SLC41A1: variants seen among roughly 807,000 people sequenced by gnomAD.
SLC41A1 encodes the protein solute carrier family 41 (magnesium transporter), member 1.
A neutral mutation model predicts 47.3 loss-of-function variants in SLC41A1; 20 were observed. That is an observed-to-expected ratio of 0.42 (90% CI 0.30 to 0.61). The LOEUF is 0.61. Ranked by LOEUF, SLC41A1 falls within the 20% of genes least tolerant of loss-of-function variation. The probability of loss-of-function intolerance (pLI) is 0.17; values close to 1 mark genes in which losing one functional copy is unlikely to be tolerated. For synonymous variants in SLC41A1, 282 were observed against 272.7 expected, an observed-to-expected ratio of 1.03 and a Z score of -0.34; for missense variants, 504 against 674.1, an observed-to-expected ratio of 0.75 and a Z score of 2.79.
At chr1:205,801,112 T>C (rs1315481390) in intron 2 of SLC41A1, 52 bp from the exon 3 acceptor site, 3 of 1,468,248 alleles carry the variant, frequency 2.0e-6, no homozygotes, top group Non-Finnish European at 1.9e-6. Context: ...AGGGCGGGCA[T>C]TGAGGTTCAA....
At chr1:205,800,087 C>T (rs913972416) in intron 3 of SLC41A1, among the ~76,000 whole-genome samples, 1 of 152,226 alleles carries the variant, frequency 6.6e-6, no homozygotes, top group African/African-American at 2.4e-5. Context: ...CTCAGGACAC[C>T]AGCTGAGCAG....
intron 8 of SLC41A1, 146 bp from the exon 9 acceptor site, chr1:205,795,624 C>A: frequency 9.9e-7 from 1 of 1,011,160 alleles, no homozygotes; most frequent in South Asian, 1.4e-5. Flanking sequence ...ACCCATTCAC[C>A]AGTCCCCAAA....
intron 1 of SLC41A1, among the ~76,000 whole-genome samples, chr1:205,811,574 G>A (rs1656155101): frequency 2.6e-5 from 4 of 152,220 alleles, no homozygotes; most frequent in Non-Finnish European, 5.9e-5. Flanking sequence ...CAGAAAGACA[G>A]CCACACAGGG....
chr1:205,810,682 C>A lies in SLC41A1; in HGVS notation c.-241G>T, dbSNP rs1656130063. On this transcript the variant is annotated 5_prime_UTR_variant, in exon 2 of 11. Coordinates refer to ENST00000367137, the MANE Select transcript of SLC41A1 (RefSeq NM_173854.6). This position sits in a 1 kb window ranked among gnomAD's most constrained non-coding sequence, Gnocchi z 5.5. ...CAAGAAATTCCTCACCAGACAGCCA[C>A]TAGGGGTGCAGATGCCTGACTCCAA... is the stretch of plus-strand genomic sequence containing the variant. 1 of 586,938 alleles carries A rather than the reference C, an allele frequency of 1.7e-6. No individual in the cohort carries two copies. The highest frequency in any genetic ancestry group is 3.0e-5 in the Admixed American group (1 of 33,692). 36.4% of individuals were successfully genotyped at this position (586,938 alleles called of 1,614,324 possible). A position where few individuals can be genotyped will look rare whatever the true frequency, so the allele number is the denominator to read the frequency against.
intron 8 of SLC41A1, 100 bp from the exon 9 acceptor site, chr1:205,795,578 T>C (rs541430925): frequency 4.3e-6 from 6 of 1,408,460 alleles, no homozygotes; most frequent in East Asian, 2.4e-5. Flanking sequence ...ATAGAGGCAC[T>C]GTCCTCTGTC....
At chr1:205,811,339 G>A (rs1656150559) in intron 1 of SLC41A1, among the ~76,000 whole-genome samples, 1 of 152,128 alleles carries the variant, frequency 6.6e-6, no homozygotes, top group African/African-American at 2.4e-5. Context: ...CACCAGCAAT[G>A]AGATGTGACC....
chr1:205,792,342 CATT>C (rs1655644914), intron 10 of SLC41A1, among the ~76,000 whole-genome samples: 1 of 152,164 alleles, frequency 6.6e-6, no homozygotes, highest in Non-Finnish European at 1.5e-5. Context: ...TTTATTTTAA[CATT>C]AGTCCTAATA....
In SLC41A1 at chr1:205,799,777, C is replaced by A; in HGVS notation, c.534G>T (p.Gly178=). 6.2e-7 allele frequency: 1 copy of A among 1,614,116 alleles called. No individual in the cohort carries two copies. The highest frequency in any genetic ancestry group is 1.1e-5 in the South Asian group (1 of 91,050). The change falls in exon 4 of 11, where the codon GGG becomes GGT. Residue 178 remains glycine (G), a synonymous_variant. Transcript: ENST00000367137. The part of the protein sequence containing the change: ...TPKELWRMIT[G]NMALIQVQAT... ...TTCTTACCTGGATGAGGGCCATGTT[C>A]CCAGTGATCATCCGCCAGAGCTCCT...
chr1:205,799,535 G>A (rs1013645342), intron 4 of SLC41A1, among the ~76,000 whole-genome samples: 1 of 152,106 alleles, frequency 6.6e-6, no homozygotes, highest in Non-Finnish European at 1.5e-5. Flanking sequence ...TCAAAGGCAC[G>A]TGCACCACCA....
At position 205,789,492 on chromosome 1, in the gene SLC41A1, G is replaced by T. The variant is rs1558076535; in HGVS notation, c.*2041C>A. The T allele has an allele frequency of 1.3e-5, 2 of 152,240 alleles. No homozygotes were observed. Among genetic ancestry groups the T allele is most frequent in the Non-Finnish European group, 2.9e-5 (2 of 68,114 alleles). The allele number at this position is 152,240 out of a possible 1,614,324, so 9.4% of individuals were successfully genotyped here. On this transcript the variant is annotated 3_prime_UTR_variant, in exon 11 of 11. Coordinates refer to ENST00000367137, the MANE Select transcript of SLC41A1 (RefSeq NM_173854.6). ...GGTAGGGGTGGCTGGAGACCACAGG[G>T]ACACAGCCTTAGGGGCAGAGGAGTT...
rs774115219 is a variant in SLC41A1 at position 205,799,819 on chromosome 1, T to C, written c.492A>G (p.Gly164=). 141 of 1,613,932 alleles carry C rather than the reference T, an allele frequency of 8.7e-5. No homozygotes were observed. The highest frequency in any genetic ancestry group is 1.1e-4 in the Non-Finnish European group (130 of 1,179,980). Residue 164 remains glycine, a synonymous_variant, in exon 4 of 11, where the codon GGA becomes GGG. Coordinates refer to ENST00000367137, the MANE Select transcript of SLC41A1 (RefSeq NM_173854.6). ...ASRLSTAANI[G]HMDTPKELWR... ...AGAGCTCCTTGGGTGTGTCCATGTG[T>C]CCAATGTTGGCCTGGGAAAGGGAGG...
At chr1:205,795,117 C>A (rs1655714070) in intron 9 of SLC41A1, 99 bp from the exon 10 acceptor site, 3 of 1,516,118 alleles carry the variant, frequency 2.0e-6, no homozygotes, top group African/African-American at 1.4e-5. Context: ...TACCCCAGGG[C>A]AACAGACAGA....
At position 205,810,281 on chromosome 1, in the gene SLC41A1, C is replaced by T. The variant is rs146127627; in HGVS notation, c.161G>A (p.Arg54Gln). Residue 54 changes from arginine to glutamine, a missense_variant, in exon 2 of 11, where the codon CGG (arginine) becomes CAG (glutamine). Coordinates refer to ENST00000367137, the MANE Select transcript of SLC41A1 (RefSeq NM_173854.6). This position sits in a 1 kb window ranked among gnomAD's most constrained non-coding sequence, Gnocchi z 5.5. ...GAGVEVVIESRANAKGVREED... is the reference protein window; with the variant it reads ...GAGVEVVIESQANAKGVREED... The stretch of plus-strand genomic sequence containing the variant: ...CTCCCGAACCCCCTTGGCGTTGGCC[C>T]GAGACTCAATCACCACCTCTACCCC... 19 of 1,614,010 alleles carry T rather than the reference C, an allele frequency of 1.2e-5. No individual in the cohort carries two copies. Among genetic ancestry groups the T allele is most frequent in the South Asian group, 4.4e-5 (4 of 91,076 alleles).
rs373421823 is a variant in SLC41A1 at position 205,798,782 on chromosome 1, C to T, written c.731G>A (p.Arg244His). ...GTTGTCTGGGTTGATCCCAATCTTG[C>T]GAGAGCCAATGATGACTCCAATCAT... Reference protein sequence around the residue: ...MIMIGVIIGSRKIGINPDNVA... With the variant: ...MIMIGVIIGSHKIGINPDNVA... Residue 244 changes from arginine (R) to histidine (H), a missense_variant, in exon 6 of 11, where the codon CGC (arginine) becomes CAC (histidine). This residue lies in a region of SLC41A1 where 421 missense variants were observed against 601.6 expected (regional missense o/e 0.70). Transcript: ENST00000367137. The T allele has an allele frequency of 2.0e-5, 33 of 1,614,082 alleles. No homozygotes were observed. Among genetic ancestry groups the T allele is most frequent in the Admixed American group, 3.3e-5 (2 of 60,014 alleles).
At chr1:205,809,700 G>A (rs753232759) in intron 2 of SLC41A1, among the ~76,000 whole-genome samples, 40 of 152,110 alleles carry the variant, frequency 2.6e-4, no homozygotes, top group Non-Finnish European at 5.3e-4. Context: ...AAATGCAGGG[G>A]ACAAAAGGCA....
Position 205,795,405 on chromosome 1 carries a change from TC to T in SLC41A1, c.1145del (p.Gly382GlufsTer23). 6.2e-7 allele frequency: 1 copy of T among 1,614,188 alleles called. No homozygotes were observed. Among genetic ancestry groups the T allele is most frequent in the Non-Finnish European group, 8.5e-7 (1 of 1,180,038 alleles). Reference protein sequence around the residue: ...STFLHMNGMPGENSEQAPRRC... With the variant: ...STFLHMNGMPXENSEQAPRRC... ...GGCGAGGAGCTTGCTCAGAGTTCTC[TC>T]CGGGCATTCCATTCATGTGCAGGAA... On this transcript the variant is annotated frameshift_variant, in exon 9 of 11. Coordinates refer to ENST00000367137, the MANE Select transcript of SLC41A1 (RefSeq NM_173854.6). LOFTEE classifies it high-confidence loss of function.
intron 2 of SLC41A1, among the ~76,000 whole-genome samples, chr1:205,802,977 T>C (rs1456140717): frequency 6.6e-6 from 1 of 152,126 alleles, no homozygotes; most frequent in African/African-American, 2.4e-5. Flanking sequence ...GAGACCAGCC[T>C]GGCAAACATA....
Position 205,810,203 on chromosome 1 carries a change from C to G in SLC41A1, c.239G>C (p.Ser80Thr), listed in dbSNP as rs1285745765. The change falls in exon 2 of 11, where the codon AGC (serine) becomes ACC (threonine). Residue 80 changes from serine (S) to threonine (T), a missense_variant. Ser to Thr is a moderately conservative substitution (Grantham distance 58). Coordinates refer to ENST00000367137, the MANE Select transcript of SLC41A1 (RefSeq NM_173854.6). The surrounding 1 kb of genome is among the most constrained non-coding windows in gnomAD (Gnocchi z 5.5). The stretch of plus-strand genomic sequence containing the variant: ...AGGTGGCGCAGGGCCACGGTCTGTG[C>G]TGACGTCGTCACTTTCGTTGCTCTG... ...GSQSNESDDV[S>T]TDRGPAPPSP... 6.2e-7 allele frequency: 1 copy of G among 1,614,264 alleles called. No homozygotes were observed. The highest frequency in any genetic ancestry group is 8.5e-7 in the Non-Finnish European group (1 of 1,180,048).
intron 2 of SLC41A1, among the ~76,000 whole-genome samples, chr1:205,806,318 C>T (rs545625789): frequency 5.8e-4 from 88 of 152,318 alleles, no homozygotes; most frequent in African/African-American, 2.0e-3. Context: ...AGGAATACTT[C>T]CTTCCCACTC....
Sources: gnomAD v4.1 joint callset for allele counts (sites outside exome capture counted in the v4.1 genomes callset) on GRCh38, gnomAD v4.1.1 for gene constraint, gnomAD v4.1.1 regional missense constraint, Gnocchi (gnomAD v3.1) non-coding constraint, MANE v1.5 for transcripts, NCBI Gene and HGNC (gene_info 2026-07-23, HGNC 2026-07-21) for gene names.